FAM184B: variants seen among roughly 807,000 people sequenced by gnomAD.
FAM184B encodes protein FAM184B.
In FAM184B, 111 loss-of-function variants were observed where a neutral mutation model predicts 135.9. The observed-to-expected ratio is 0.82, with a 90% CI of 0.70 to 0.96. The LOEUF is 0.96. Ranked by LOEUF, FAM184B falls within the 40% of genes least tolerant of loss-of-function variation. The probability of loss-of-function intolerance (pLI) is 0.00; values close to 1 mark genes in which losing one functional copy is unlikely to be tolerated. For synonymous variants in FAM184B, 552 were observed against 524.8 expected (o/e 1.05, Z -0.71); for missense variants, 1,375 against 1,323.9 (o/e 1.04, Z -0.60).
At chr4:17,639,542 A>G in intron 13 of FAM184B, 146 bp from the exon 14 acceptor site, 1 of 994,244 alleles carries the variant, frequency 1.0e-6, no homozygotes, top group Non-Finnish European at 1.5e-6. Flanking sequence ...TGGGAAGAAG[A>G]GCTGAAGTCT....
At chr4:17,703,341 T>A (rs1297406309) in intron 5 of FAM184B, among the ~76,000 whole-genome samples, 3 of 150,666 alleles carry the variant, frequency 2.0e-5, no homozygotes, top group Non-Finnish European at 4.4e-5. Context: ...TACAGAAAAA[T>A]TTAAAAATTA....
chr4:17,734,403 A>G (rs1044308575), intron 1 of FAM184B, among the ~76,000 whole-genome samples: 1 of 152,072 alleles, frequency 6.6e-6, no homozygotes, highest in Non-Finnish European at 1.5e-5. Flanking sequence ...CAACCTACAA[A>G]ATGGGAGAAA....
At chr4:17,690,134 C>T (rs561715688) in intron 6 of FAM184B, among the ~76,000 whole-genome samples, 4 of 151,162 alleles carry the variant, frequency 2.6e-5, no homozygotes, top group South Asian at 4.2e-4. Flanking sequence ...GGTGACAGAA[C>T]GAGACTCCGT....
intron 14 of FAM184B, among the ~76,000 whole-genome samples, chr4:17,639,006 G>C (rs1715230179): frequency 6.6e-6 from 1 of 151,970 alleles, no homozygotes; most frequent in Non-Finnish European, 1.5e-5. Flanking sequence ...CTGTAATTTT[G>C]TATTTTCAGT....
At chr4:17,715,871 C>T (rs938341230) in intron 1 of FAM184B, among the ~76,000 whole-genome samples, 5 of 152,080 alleles carry the variant, frequency 3.3e-5, no homozygotes, top group Admixed American at 1.3e-4. Context: ...TTCTGAGAGC[C>T]GTTAAGTCAT....
chr4:17,744,050 G>A (rs1718102353), intron 1 of FAM184B, among the ~76,000 whole-genome samples: 1 of 152,160 alleles, frequency 6.6e-6, no homozygotes, highest in African/African-American at 2.4e-5. Flanking sequence ...CAGCTCCAGA[G>A]GCCACCGGCT....
chr4:17,730,676 G>A lies in FAM184B; in HGVS notation c.142-21032C>T, dbSNP rs150399473. Among the ~76,000 whole-genome samples, 1,062 of 152,252 alleles carry A rather than the reference G, an allele frequency of 7.0e-3. 14 individuals are homozygous for A. The highest frequency in any genetic ancestry group is 0.023 in the African/African-American group (963 of 41,522). ...AAAACTGGAAACTGTAAAAAGCAGAGCGCCTCTCCTCCTCCAAAGGAATGC... is the reference window on the plus strand; with the variant it reads ...AAAACTGGAAACTGTAAAAAGCAGAACGCCTCTCCTCCTCCAAAGGAATGC... On this transcript the variant is annotated intron_variant, in intron 1 of 17. Transcript: ENST00000265018.
At position 17,654,037 on chromosome 4, in the gene FAM184B, C is replaced by T. The variant is rs532834174; in HGVS notation, c.2038-1054G>A. Among the ~76,000 whole-genome samples, 3 of 149,020 alleles carry T rather than the reference C, an allele frequency of 2.0e-5. No homozygotes were observed. The South Asian group carries it at 6.5e-4, about 32-fold the overall frequency. Reference sequence around the variant, plus strand: ...GGTGGAAAAGGCAAGGACACAGATTCTCCTCTGGAGTCTTTAGAAGGAACC... The same window carrying T: ...GGTGGAAAAGGCAAGGACACAGATTTTCCTCTGGAGTCTTTAGAAGGAACC... On this transcript the variant is annotated intron_variant, in intron 10 of 17. Transcript: ENST00000265018.
intron 7 of FAM184B, among the ~76,000 whole-genome samples, chr4:17,672,935 C>A (rs2315558): frequency 0.6 from 90,497 of 151,950 alleles, 27,474 homozygotes; most frequent in East Asian, 0.83. Flanking sequence ...TATCTTGCAG[C>A]ATAGTGTCAA....
At position 17,709,463 on chromosome 4, in the gene FAM184B, A is replaced by G; in HGVS notation, c.323T>C (p.Leu108Pro). ...CTCCGTCAGCCTCTTTTGCAGCTCC[A>G]GGGCGCTCTCCAGGGCCTGGATGCG... ...LQRIQALESALELQKRLTEEA... is the reference protein window; with the variant it reads ...LQRIQALESAPELQKRLTEEA... The change falls in exon 2 of 18, where the codon CTG becomes CCG. Residue 108 changes from leucine to proline, a missense_variant. By Grantham distance (98) the Leu-to-Pro change is moderately conservative (BLOSUM62 -3). Coordinates refer to ENST00000265018, the MANE Select transcript of FAM184B (RefSeq NM_015688.2). 2 of 1,536,680 alleles carry G rather than the reference A, an allele frequency of 1.3e-6. No homozygotes were observed. The highest frequency in any genetic ancestry group is 1.8e-6 in the Non-Finnish European group (2 of 1,138,336).
intron 12 of FAM184B, among the ~76,000 whole-genome samples, chr4:17,644,036 G>C (rs1715396556): frequency 6.6e-6 from 1 of 152,252 alleles, no homozygotes; most frequent in Non-Finnish European, 1.5e-5. Flanking sequence ...AAGGCCCCCA[G>C]CATGAGATAT....
Position 17,708,899 on chromosome 4 carries a change from C to T in FAM184B, c.887G>A (p.Arg296Lys). 1 of 1,509,452 alleles carries T rather than the reference C, an allele frequency of 6.6e-7. No individual in the cohort carries two copies. The highest frequency in any genetic ancestry group is 8.9e-7 in the Non-Finnish European group (1 of 1,126,530). The allele number at this position is 1,509,452 out of a possible 1,614,324, so 93.5% of individuals were successfully genotyped here. A position where few individuals can be genotyped will look rare whatever the true frequency, so the allele number is the denominator to read the frequency against. Residue 296 changes from arginine (R) to lysine (K), a missense_variant, in exon 2 of 18, where the codon AGG (arginine) becomes AAG (lysine). Physicochemically the swap from Arg to Lys is conservative, Grantham distance 26 (BLOSUM62 2). Coordinates refer to ENST00000265018, the MANE Select transcript of FAM184B (RefSeq NM_015688.2). ...GAAGAGATGCTGCTTTACCTGAATC[C>T]TCTCCTTCAGCTTCTGGGCGTACTT... ...LKKYAQKLKE[R>K]IQDLDVQLKE... is the part of the protein sequence containing the mutation.
At chr4:17,714,370 GT>G (rs1166532707) in intron 1 of FAM184B, among the ~76,000 whole-genome samples, 1 of 152,152 alleles carries the variant, frequency 6.6e-6, no homozygotes, top group Non-Finnish European at 1.5e-5. Context: ...CCTTTCCACA[GT>G]TTCTTTTTTC....
chr4:17,685,494 A>G (rs568743118), intron 7 of FAM184B, among the ~76,000 whole-genome samples: 13 of 146,138 alleles, frequency 8.9e-5, no homozygotes. Flanking sequence ...GTTTGCAGTG[A>G]GCCGAGATCA....
Position 17,631,706 on chromosome 4 carries a change from G to A in FAM184B, c.*826C>T, listed in dbSNP as rs1224574601. On this transcript the variant is annotated 3_prime_UTR_variant, in exon 18 of 18. Transcript: ENST00000265018. ...GCTGCTTGTCTTAGACCAAGGAAGT[G>A]AAAGTATTCAGTCCAAGCATGCTAC... The A allele has an allele frequency of 6.6e-6, 1 of 152,204 alleles. No homozygotes were observed. The highest frequency in any genetic ancestry group is 1.5e-5 in the Non-Finnish European group (1 of 68,042). 9.4% of individuals were successfully genotyped at this position (152,204 alleles called of 1,614,324 possible).
At chr4:17,744,874 G>A (rs1177658598) in intron 1 of FAM184B, among the ~76,000 whole-genome samples, 1 of 152,172 alleles carries the variant, frequency 6.6e-6, no homozygotes, top group Non-Finnish European at 1.5e-5. Context: ...GTCTGGGATG[G>A]GAAGTAGAGT....
At position 17,687,673 on chromosome 4, in the gene FAM184B, A is replaced by G. The variant is rs141869074; in HGVS notation, c.1596+751T>C. Among the ~76,000 whole-genome samples, 901 of 152,320 alleles carry G rather than the reference A, an allele frequency of 5.9e-3. 7 individuals are homozygous for G. Among genetic ancestry groups the G allele is most frequent in the African/African-American group, 0.021 (871 of 41,566 alleles). On this transcript the variant is annotated intron_variant, in intron 7 of 17. Coordinates refer to ENST00000265018, the MANE Select transcript of FAM184B (RefSeq NM_015688.2). ...CACAAAGACTCAGAGACAAGGGGAA[A>G]GAGGCCGTGTGATGACAGAGGCAGA... is the stretch of plus-strand genomic sequence containing the variant.
At chr4:17,713,501 G>T (rs78355919) in intron 1 of FAM184B, among the ~76,000 whole-genome samples, 2 of 152,238 alleles carry the variant, frequency 1.3e-5, no homozygotes, top group East Asian at 3.9e-4. Flanking sequence ...TTTCCCACTG[G>T]CTATAATTTA....
intron 10 of FAM184B, among the ~76,000 whole-genome samples, chr4:17,654,332 C>G (rs1304705111): frequency 6.6e-6 from 1 of 151,730 alleles, no homozygotes; most frequent in Non-Finnish European, 1.5e-5. Flanking sequence ...AATTATTATC[C>G]CCTCATCTTT....
Sources: allele counts gnomAD v4.1 joint callset (sites outside exome capture counted in the v4.1 genomes callset), GRCh38; gene constraint gnomAD v4.1.1; transcripts MANE v1.5; gene names NCBI Gene and HGNC (gene_info 2026-07-23, HGNC 2026-07-21).